The following ST8SIA4 variants were observed in gnomAD, a reference collection of about 807,000 sequenced individuals.
ST8SIA4 encodes the protein ST8 alpha-N-acetyl-neuraminide alpha-2,8-sialyltransferase 4, also known as CMP-N-acetylneuraminate-poly-alpha-2,8-sialyltransferase.
A neutral mutation model predicts 33.9 loss-of-function variants in ST8SIA4; 15 were observed. The observed-to-expected ratio is 0.44, with a 90% CI of 0.30 to 0.68. The LOEUF is 0.68. Ranked by LOEUF, ST8SIA4 falls within the 30% of genes least tolerant of loss-of-function variation. ST8SIA4 has a pLI of 0.10. For missense variants in ST8SIA4, 321 were observed against 428.0 expected (o/e 0.75, Z 2.21); for synonymous variants, 171 against 151.2 (o/e 1.13, Z -0.96).
In ST8SIA4 at chr5:100,856,401, A is replaced by G. The variant is rs1450476204; in HGVS notation, c.504-5T>C. The G allele has an allele frequency of 8.7e-6, 14 of 1,601,010 alleles. No individual in the cohort carries two copies. The highest frequency in any genetic ancestry group is 9.4e-6 in the Non-Finnish European group (11 of 1,173,242). On this transcript the variant is annotated splice_polypyrimidine_tract_variant and splice_region_variant and intron_variant, in intron 3 of 4. Transcript: ENST00000231461. Reference sequence around the variant, plus strand: ...ACCACAGGAGCTAGATTACACCTGAAGAGGAAAAAATTAATGGGACAAATG... The same window carrying G: ...ACCACAGGAGCTAGATTACACCTGAGGAGGAAAAAATTAATGGGACAAATG...
At chr5:100,892,379 G>C (rs952071098) in intron 2 of ST8SIA4, among the ~76,000 whole-genome samples, 1 of 152,058 alleles carries the variant, frequency 6.6e-6, no homozygotes, top group South Asian at 2.1e-4. Context: ...TAATTATTTT[G>C]AGTGCAAAGT....
At chr5:100,822,828 T>TA (rs753092130) in intron 4 of ST8SIA4, among the ~76,000 whole-genome samples, 3 of 152,072 alleles carry the variant, frequency 2.0e-5, no homozygotes, top group Non-Finnish European at 4.4e-5. Flanking sequence ...ACCTTGCTGA[T>TA]AAAACCGTTT....
chr5:100,873,379 GT>G (rs1300821915), intron 3 of ST8SIA4, among the ~76,000 whole-genome samples: 2 of 152,042 alleles, frequency 1.3e-5, no homozygotes, highest in African/African-American at 4.8e-5. Context: ...ACAAACTTAA[GT>G]TAGAAATTCC....
intron 4 of ST8SIA4, among the ~76,000 whole-genome samples, chr5:100,818,000 G>A (rs371499834): frequency 1.3e-5 from 2 of 152,046 alleles, no homozygotes; most frequent in Admixed American, 6.6e-5. Flanking sequence ...CTCTATATGT[G>A]GTGCTTTTTC....
chr5:100,846,312 C>G (rs1751569650), intron 4 of ST8SIA4, among the ~76,000 whole-genome samples: 1 of 151,950 alleles, frequency 6.6e-6, no homozygotes, highest in South Asian at 2.1e-4. Context: ...CAATGTCTAA[C>G]TTCAGCACAA....
At chr5:100,853,560 T>C (rs1751747900) in intron 4 of ST8SIA4, among the ~76,000 whole-genome samples, 1 of 152,194 alleles carries the variant, frequency 6.6e-6, no homozygotes, top group South Asian at 2.1e-4. Flanking sequence ...TCACCAGTGG[T>C]CAGAAGTTTG....
rs748767232 is a variant in ST8SIA4, at chr5:100,807,002, T to A, written c.*4845A>T. 6.6e-6 allele frequency: 1 copy of A among 152,094 alleles called. No individual in the cohort carries two copies. The highest frequency in any genetic ancestry group is 1.5e-5 in the Non-Finnish European group (1 of 67,958). 9.4% of individuals were successfully genotyped at this position (152,094 alleles called of 1,614,324 possible). On this transcript the variant is annotated 3_prime_UTR_variant, in exon 5 of 5. Transcript: ENST00000231461. ...TGCTACACAAAATATCGTTAAGGAT[T>A]TCCTAATATTCATGGGGTTTTTGAC...
chr5:100,862,920 T>A (rs1034752505), intron 3 of ST8SIA4, among the ~76,000 whole-genome samples: 2 of 152,166 alleles, frequency 1.3e-5, no homozygotes, highest in Non-Finnish European at 1.5e-5. Context: ...TACCACTTAA[T>A]CCCTAAGAAT....
chr5:100,832,630 T>C (rs1276480758), intron 4 of ST8SIA4, among the ~76,000 whole-genome samples: 2 of 152,102 alleles, frequency 1.3e-5, no homozygotes, highest in African/African-American at 4.8e-5. Flanking sequence ...ATCTCTTTCC[T>C]TCTCTTCTTT....
chr5:100,892,986 G>A (rs1752706938), intron 2 of ST8SIA4, among the ~76,000 whole-genome samples: 1 of 151,516 alleles, frequency 6.6e-6, no homozygotes, highest in African/African-American at 2.4e-5. Context: ...ACACATCCTG[G>A]AACTTAAAGT....
rs186175596 is a variant in ST8SIA4, at chr5:100,885,713, C to T, written c.503+630G>A. 4 of 946,626 alleles carry T rather than the reference C, an allele frequency of 4.2e-6. No homozygotes were observed. The East Asian group carries it at 4.6e-4, about 109-fold the overall frequency. 58.6% of individuals were successfully genotyped at this position (946,626 alleles called of 1,614,324 possible). A position where few individuals can be genotyped will look rare whatever the true frequency, so the allele number is the denominator to read the frequency against. ...TCCATTTCTACTGTTGAGTTTTTTT[C>T]AGTTAATAGGTTAATCAAACACACA... On this transcript the variant is annotated intron_variant, in intron 3 of 4. Transcript: ENST00000231461.
chr5:100,902,794 T>G (rs1561412808), intron 1 of ST8SIA4, 49 bp downstream of exon 1: 1 of 1,494,196 alleles, frequency 6.7e-7, no homozygotes, highest in Non-Finnish European at 9.3e-7. Flanking sequence ...TCACATTTCA[T>G]TTATGGCTTG....
At chr5:100,862,987 T>C (rs1397597730) in intron 3 of ST8SIA4, among the ~76,000 whole-genome samples, 1 of 152,222 alleles carries the variant, frequency 6.6e-6, no homozygotes, top group Non-Finnish European at 1.5e-5. Flanking sequence ...GTTGCATATG[T>C]GCAAGTGATA....
At chr5:100,820,607 C>T (rs1751015486) in intron 4 of ST8SIA4, among the ~76,000 whole-genome samples, 1 of 151,948 alleles carries the variant, frequency 6.6e-6, no homozygotes, top group Admixed American at 6.6e-5. Flanking sequence ...AATGAAGTCA[C>T]AGGAAAATGG....
At chr5:100,863,618 TAAAC>T (rs1751996391) in intron 3 of ST8SIA4, among the ~76,000 whole-genome samples, 1 of 152,132 alleles carries the variant, frequency 6.6e-6, no homozygotes, top group African/African-American at 2.4e-5. Context: ...CAACTACACA[TAAAC>T]AAATGTTATT....
At chr5:100,886,283 C>T in intron 3 of ST8SIA4, 60 bp downstream of exon 3, 1 of 1,562,804 alleles carries the variant, frequency 6.4e-7, no homozygotes, top group South Asian at 1.2e-5. Flanking sequence ...AACAGTTTTC[C>T]ACCCCCAAGT....
At chr5:100,867,335 A>G (rs1191488164) in intron 3 of ST8SIA4, among the ~76,000 whole-genome samples, 1 of 152,072 alleles carries the variant, frequency 6.6e-6, no homozygotes. Context: ...TGCCAAAATC[A>G]TCAGGGAAAC....
intron 3 of ST8SIA4, among the ~76,000 whole-genome samples, chr5:100,862,571 T>G (rs7701244): frequency 8.3e-4 from 126 of 152,018 alleles, no homozygotes; most frequent in African/African-American, 2.8e-3. Flanking sequence ...CCATTTTTTT[T>G]TTGTATTTTT....
At chr5:100,888,601 T>C (rs1419119543) in intron 2 of ST8SIA4, among the ~76,000 whole-genome samples, 1 of 151,978 alleles carries the variant, frequency 6.6e-6, no homozygotes, top group Non-Finnish European at 1.5e-5. Context: ...TTTCCTCTAG[T>C]GCTCTTATTT....
Sources: gnomAD v4.1 joint callset for allele counts (sites outside exome capture counted in the v4.1 genomes callset) on GRCh38, gnomAD v4.1.1 for gene constraint, MANE v1.5 for transcripts, NCBI Gene and HGNC (gene_info 2026-07-23, HGNC 2026-07-21) for gene names.